The following PARD3B variants were observed in gnomAD, a reference collection of about 807,000 sequenced individuals.
PARD3B encodes the protein partitioning defective 3 homolog B.
In PARD3B, 103 loss-of-function variants were observed where a neutral mutation model predicts 130.2. The observed-to-expected ratio is 0.79, with a 90% confidence interval of 0.67 to 0.93. The LOEUF is 0.93. Ranked by LOEUF, PARD3B falls within the 40% of genes least tolerant of loss-of-function variation. PARD3B has a pLI of 0.00. For synonymous variants in PARD3B, 583 were observed against 553.2 expected, an observed-to-expected ratio of 1.05 and a Z score of -0.76; for missense variants, 1,609 against 1,499.2, an observed-to-expected ratio of 1.07 and a Z score of -1.21.
Position 205,463,975 on chromosome 2 carries a change from G to T in PARD3B, c.3044+23303G>T, listed in dbSNP as rs1433087760. ...ACCAGGCAGATTTTATTTCCTACCT[G>T]CCTGCCACAGAGTTCTGAGTTAGAG... is the stretch of plus-strand genomic sequence containing the variant. On this transcript the variant is annotated intron_variant, in intron 20 of 22. Coordinates refer to ENST00000406610, the MANE Select transcript of PARD3B (RefSeq NM_001302769.2). The surrounding 1 kb of genome is among the most constrained non-coding windows in gnomAD (Gnocchi z 4.8). 2.6e-5 allele frequency among the ~76,000 whole-genome samples: 4 copies of T among 152,208 alleles called. No individual in the cohort carries two copies. The South Asian group carries it at 6.2e-4, about 24-fold the overall frequency.
chr2:205,499,872 T>C (rs1194162468), intron 20 of PARD3B, 24 bp from the exon 21 acceptor site: 2 of 1,608,050 alleles, frequency 1.2e-6, no homozygotes, highest in East Asian at 2.2e-5. Context: ...TGTGTGAATC[T>C]GATTATTTGT....
chr2:205,052,451 A>ATATATATATATATATATATATATAT (rs1491236980), intron 4 of PARD3B, among the ~76,000 whole-genome samples: 2 of 14,736 alleles, frequency 1.4e-4, no homozygotes, highest in Non-Finnish European at 2.4e-4. Context: ...ATATATATAT[A>ATATATATATATATATATATATATAT]AAATTAAAAA....
At position 204,890,103 on chromosome 2, in the gene PARD3B, A is replaced by G. The variant is rs899702908; in HGVS notation, c.223-75049A>G. Among the ~76,000 whole-genome samples the G allele has an allele frequency of 1.3e-5, 2 of 152,196 alleles. No individual in the cohort carries two copies. Among genetic ancestry groups the G allele is most frequent in the Admixed American group, 6.5e-5 (1 of 15,284 alleles). On this transcript the variant is annotated intron_variant, in intron 2 of 22. Transcript: ENST00000406610. The surrounding 1 kb of genome is among the most constrained non-coding windows in gnomAD (Gnocchi z 4.9). Reference sequence around the variant, plus strand: ...ATTGCAACTGGATGCAGAATTTACCATGTCTGCTTTGCCTTCTCCGCCTTC... The same window carrying G: ...ATTGCAACTGGATGCAGAATTTACCGTGTCTGCTTTGCCTTCTCCGCCTTC...
intron 2 of PARD3B, among the ~76,000 whole-genome samples, chr2:204,703,617 A>T (rs982376419): frequency 6.6e-6 from 1 of 152,200 alleles, no homozygotes; most frequent in Non-Finnish European, 1.5e-5. Context: ...CTGTGTAATT[A>T]TGAAACCCAT....
Position 205,269,334 on chromosome 2 carries a change from T to C in PARD3B, c.2185+23512T>C, listed in dbSNP as rs2040628761. Among the ~76,000 whole-genome samples, 1 of 152,198 alleles carries C rather than the reference T, an allele frequency of 6.6e-6. No individual in the cohort carries two copies. Among genetic ancestry groups the C allele is most frequent in the Non-Finnish European group, 1.5e-5 (1 of 68,022 alleles). On this transcript the variant is annotated intron_variant, in intron 16 of 22. Coordinates refer to ENST00000406610, the MANE Select transcript of PARD3B (RefSeq NM_001302769.2). This position sits in a 1 kb window ranked among gnomAD's most constrained non-coding sequence, Gnocchi z 4.7. ...GACATACTCTTATAATTAAATAGAC[T>C]TATTTCAAACTGTTTCCCAATTTCA...
chr2:205,572,264 G>A lies in PARD3B; in HGVS notation c.3260+18861G>A, dbSNP rs2053585002. 6.6e-6 allele frequency among the ~76,000 whole-genome samples: 1 copy of A among 152,170 alleles called. No individual in the cohort carries two copies. Among genetic ancestry groups the A allele is most frequent in the Non-Finnish European group, 1.5e-5 (1 of 68,036 alleles). On this transcript the variant is annotated intron_variant, in intron 22 of 22. Coordinates refer to ENST00000406610, the MANE Select transcript of PARD3B (RefSeq NM_001302769.2). The surrounding 1 kb of genome is among the most constrained non-coding windows in gnomAD (Gnocchi z 4.2). Reference sequence around the variant, plus strand: ...AGATTATTTCAGTCAAGTAGAATAAGTGCTAAAATTTTATATGCATAAATG... The same window carrying A: ...AGATTATTTCAGTCAAGTAGAATAAATGCTAAAATTTTATATGCATAAATG...
intron 2 of PARD3B, among the ~76,000 whole-genome samples, chr2:204,850,818 A>G (rs553642556): frequency 5.4e-4 from 82 of 152,306 alleles, no homozygotes; most frequent in African/African-American, 1.8e-3. Flanking sequence ...GTTTTTGCAT[A>G]ATGTCTTACA....
intron 22 of PARD3B, among the ~76,000 whole-genome samples, chr2:205,602,950 G>T (rs375088158): frequency 1.3e-5 from 2 of 152,092 alleles, no homozygotes; most frequent in Non-Finnish European, 2.9e-5. Context: ...TAATTGTGAT[G>T]TTAGGGTGTC....
At position 204,887,767 on chromosome 2, in the gene PARD3B, G is replaced by C. The variant is rs2125682594; in HGVS notation, c.223-77385G>C. 6.6e-6 allele frequency among the ~76,000 whole-genome samples: 1 copy of C among 152,186 alleles called. No homozygotes were observed. Among genetic ancestry groups the C allele is most frequent in the Admixed American group, 6.5e-5 (1 of 15,272 alleles). ...CTGGAGACATAAAATGAGCACACAT[G>C]TAAAACCAAATAGCGATACAAGGCA... is the stretch of plus-strand genomic sequence containing the variant. On this transcript the variant is annotated intron_variant, in intron 2 of 22. Coordinates refer to ENST00000406610, the MANE Select transcript of PARD3B (RefSeq NM_001302769.2). This position sits in a 1 kb window ranked among gnomAD's most constrained non-coding sequence, Gnocchi z 4.2.
At chr2:204,631,483 C>T (rs183565380) in intron 1 of PARD3B, among the ~76,000 whole-genome samples, 22 of 152,224 alleles carry the variant, frequency 1.4e-4, no homozygotes, top group East Asian at 7.7e-4. Context: ...CTCTTGACCT[C>T]GTGATCTGCG....
chr2:204,615,346 T>G (rs2125121120), intron 1 of PARD3B, among the ~76,000 whole-genome samples: 1 of 152,320 alleles, frequency 6.6e-6, no homozygotes, highest in South Asian at 2.1e-4. Context: ...TTGTCTGTCT[T>G]GTCCTTTGAA....
At chr2:205,323,170 A>C (rs1481069714) in intron 18 of PARD3B, among the ~76,000 whole-genome samples, 3 of 151,662 alleles carry the variant, frequency 2.0e-5, no homozygotes, top group Admixed American at 6.6e-5. Flanking sequence ...CAGCCTCCCA[A>C]AGTGCTGGGA....
intron 2 of PARD3B, among the ~76,000 whole-genome samples, chr2:204,832,734 C>T (rs755702530): frequency 6.6e-6 from 1 of 152,070 alleles, no homozygotes; most frequent in East Asian, 1.9e-4. Context: ...GTGGCTGAAG[C>T]GTAGTTGTGT....
In PARD3B at chr2:205,397,522, A is replaced by G. The variant is rs2046075872; in HGVS notation, c.2631-3491A>G. ...CAAACATTTTAGCTACCAGAAACAA[A>G]AATAATTTATTGGGTGTGGTAATAA... On this transcript the variant is annotated intron_variant, in intron 18 of 22. Coordinates refer to ENST00000406610, the MANE Select transcript of PARD3B (RefSeq NM_001302769.2). This position sits in a 1 kb window ranked among gnomAD's most constrained non-coding sequence, Gnocchi z 4.8. Among the ~76,000 whole-genome samples the G allele has an allele frequency of 6.6e-6, 1 of 152,218 alleles. No individual in the cohort carries two copies. Among genetic ancestry groups the G allele is most frequent in the Non-Finnish European group, 1.5e-5 (1 of 68,038 alleles).
At chr2:205,459,450 T>A (rs1179000883) in intron 20 of PARD3B, among the ~76,000 whole-genome samples, 1 of 152,160 alleles carries the variant, frequency 6.6e-6, no homozygotes, top group African/African-American at 2.4e-5. Flanking sequence ...GACTTCGTTG[T>A]TAGAAGGATA....
At chr2:205,084,556 A>C (rs1701627921) in intron 4 of PARD3B, among the ~76,000 whole-genome samples, 1 of 152,014 alleles carries the variant, frequency 6.6e-6, no homozygotes, top group South Asian at 2.1e-4. Context: ...CTCTTTTAAA[A>C]TAAACATTTA....
chr2:204,997,936 ATTTG>A (rs1434809517), intron 3 of PARD3B, among the ~76,000 whole-genome samples: 1 of 146,328 alleles, frequency 6.8e-6, no homozygotes, highest in African/African-American at 2.5e-5. Context: ...TAATATTTTT[ATTTG>A]TTATATATAG....
At chr2:204,611,952 G>A (rs1299990687) in intron 1 of PARD3B, among the ~76,000 whole-genome samples, 1 of 152,164 alleles carries the variant, frequency 6.6e-6, no homozygotes, top group Admixed American at 6.6e-5. Flanking sequence ...TTTAAACCAG[G>A]AGTCTCAGAC....
rs542088577 is a variant in PARD3B, at chr2:205,341,227, ACAATCCCAC to A, written c.2630+39527_2630+39535del. ...AAAATTAGGACTGCCATGCAATCCA[ACAATCCCAC>A]TACTGGGTATTTTTAAAGGAAAGGA... On this transcript the variant is annotated intron_variant, in intron 18 of 22. Coordinates refer to ENST00000406610, the MANE Select transcript of PARD3B (RefSeq NM_001302769.2). The surrounding 1 kb of genome is among the most constrained non-coding windows in gnomAD (Gnocchi z 4.3). Among the ~76,000 whole-genome samples, 120 of 152,290 alleles carry A rather than the reference ACAATCCCAC, an allele frequency of 7.9e-4. No individual in the cohort carries two copies. The highest frequency in any genetic ancestry group is 2.7e-3 in the African/African-American group (113 of 41,584).
Sources: gnomAD v4.1 joint callset for allele counts (sites outside exome capture counted in the v4.1 genomes callset) on GRCh38, gnomAD v4.1.1 for gene constraint, Gnocchi (gnomAD v3.1) non-coding constraint, MANE v1.5 for transcripts, NCBI Gene and HGNC (gene_info 2026-07-23, HGNC 2026-07-21) for gene names.